The following NPAS3 variants were observed in gnomAD, a reference collection of about 807,000 sequenced individuals.
NPAS3 encodes the protein neuronal PAS domain-containing protein 3.
Under a neutral mutation model 73.1 loss-of-function variants are expected in NPAS3, and 14 were observed. That is an observed-to-expected ratio of 0.19 (90% confidence interval 0.13 to 0.30). The LOEUF is 0.30. NPAS3 is among the 10% of genes least tolerant of loss of function. The pLI, the probability that NPAS3 is intolerant of heterozygous loss-of-function variation, is 1.00. For missense variants in NPAS3, 1,096 were observed against 1,250.0 expected, an observed-to-expected ratio of 0.88 and a Z score of 1.86; for synonymous variants, 620 against 541.5, an observed-to-expected ratio of 1.14 and a Z score of -2.01.
chr14:33,606,265 T>C (rs1470988472), intron 5 of NPAS3, among the ~76,000 whole-genome samples: 1 of 121,736 alleles, frequency 8.2e-6, no homozygotes, highest in East Asian at 2.6e-4. Context: ...GATGTTCCCC[T>C]TCCTGTGTCC....
At chr14:33,703,054 A>G (rs142657504) in intron 6 of NPAS3, among the ~76,000 whole-genome samples, 2 of 152,278 alleles carry the variant, frequency 1.3e-5, no homozygotes, top group Non-Finnish European at 2.9e-5. Flanking sequence ...CTGAGTCAAT[A>G]TATTTCCTTT....
intron 6 of NPAS3, among the ~76,000 whole-genome samples, chr14:33,694,843 G>A (rs764836939): frequency 1.3e-5 from 2 of 152,088 alleles, no homozygotes; most frequent in African/African-American, 2.4e-5. Context: ...ACCTTTCTAC[G>A]TGACCCCTGA....
intron 7 of NPAS3, among the ~76,000 whole-genome samples, chr14:33,746,657 T>C (rs192620425): frequency 1.5e-3 from 225 of 152,252 alleles, no homozygotes; most frequent in African/African-American, 5.2e-3. Flanking sequence ...GTATTATCAC[T>C]CTCATTCTGC....
chr14:33,561,834 TCCATTATATAC>T (rs2055664300), intron 5 of NPAS3, among the ~76,000 whole-genome samples: 1 of 152,214 alleles, frequency 6.6e-6, no homozygotes, highest in African/African-American at 2.4e-5. Context: ...CTGAAAAGCA[TCCATTATATAC>T]TAGCTCAAAA....
At position 33,636,903 on chromosome 14, in the gene NPAS3, G is replaced by GCACACACACACACA. The variant is rs34527893; in HGVS notation, c.559-39297_559-39284dup. Among the ~76,000 whole-genome samples, 837 of 149,270 alleles carry GCACACACACACACA rather than the reference G, an allele frequency of 5.6e-3. 10 individuals are homozygous for GCACACACACACACA. The highest frequency in any genetic ancestry group is 0.017 in the African/African-American group (690 of 40,742). ...AGCAGGAGGAGGACACTCGGAGTGTGCACACACACACACACACACACACAG... is the reference window on the plus strand; with the variant it reads ...AGCAGGAGGAGGACACTCGGAGTGTGCACACACACACACACACACACACACACACACACACACAG... On this transcript the variant is annotated intron_variant, in intron 5 of 11. Coordinates refer to ENST00000356141, the Ensembl canonical transcript of NPAS3.
intron 8 of NPAS3, among the ~76,000 whole-genome samples, chr14:33,774,742 T>A (rs2138474160): frequency 6.6e-6 from 1 of 152,312 alleles, no homozygotes; most frequent in Middle Eastern, 3.4e-3. Context: ...ATTAAATGAA[T>A]CGGGATACCC....
chr14:33,378,949 G>A (rs750615354), intron 4 of NPAS3, among the ~76,000 whole-genome samples: 75 of 152,140 alleles, frequency 4.9e-4, no homozygotes, highest in African/African-American at 1.1e-3. Context: ...TCCAAAATCC[G>A]AAATGCTTCA....
intron 2 of NPAS3, among the ~76,000 whole-genome samples, chr14:33,099,585 T>C (rs1474541115): frequency 1.3e-5 from 2 of 152,204 alleles, no homozygotes; most frequent in East Asian, 3.9e-4. Flanking sequence ...TTACTCGATA[T>C]TAAATAACTA....
chr14:33,582,970 G>GTTT (rs55885070), intron 5 of NPAS3, among the ~76,000 whole-genome samples: 3 of 93,302 alleles, frequency 3.2e-5, no homozygotes, highest in African/African-American at 7.8e-5. Flanking sequence ...TATTTAAAGG[G>GTTT]TTTTTTTTTT....
chr14:33,470,933 TA>T (rs59672930), intron 4 of NPAS3, among the ~76,000 whole-genome samples: 306 of 140,558 alleles, frequency 2.2e-3, no homozygotes, highest in Non-Finnish European at 2.2e-3. Flanking sequence ...AGAGCATATT[TA>T]AAAAAAAAAA....
intron 2 of NPAS3, among the ~76,000 whole-genome samples, chr14:33,136,509 C>T (rs1017721066): frequency 6.6e-6 from 1 of 152,158 alleles, no homozygotes; most frequent in Non-Finnish European, 1.5e-5. Flanking sequence ...GTAATAATGA[C>T]AGTAACTCAG....
At chr14:33,108,118 A>G (rs1476108174) in intron 2 of NPAS3, among the ~76,000 whole-genome samples, 2 of 152,026 alleles carry the variant, frequency 1.3e-5, no homozygotes, top group Admixed American at 6.6e-5. Flanking sequence ...ATTCTGTTCT[A>G]TGTGCAAAAA....
intron 3 of NPAS3, among the ~76,000 whole-genome samples, chr14:33,346,568 T>C (rs899790716): frequency 6.8e-6 from 1 of 147,606 alleles, no homozygotes; most frequent in Non-Finnish European, 1.5e-5. Flanking sequence ...TGATTTCAAA[T>C]TAGGATAATT....
chr14:33,549,911 C>A (rs2055031272), intron 4 of NPAS3, among the ~76,000 whole-genome samples: 1 of 152,098 alleles, frequency 6.6e-6, no homozygotes, highest in South Asian at 2.1e-4. Flanking sequence ...TCATTTCCAG[C>A]CAGAATAGTC....
Position 33,620,019 on chromosome 14 carries a change from T to G in NPAS3, c.559-56192T>G, listed in dbSNP as rs143799260. Among the ~76,000 whole-genome samples the G allele has an allele frequency of 2.0e-4, 30 of 152,316 alleles. No homozygotes were observed. The East Asian group carries it at 5.2e-3, about 26-fold the overall frequency. The stretch of plus-strand genomic sequence containing the variant: ...TTCAGAAAATATTTGATAAATCAGC[T>G]TGTGGTGTTTATTTTAATTGATCTG... On this transcript the variant is annotated intron_variant, in intron 5 of 11. Transcript: ENST00000356141.
intron 2 of NPAS3, among the ~76,000 whole-genome samples, chr14:33,209,585 G>A (rs2046955937): frequency 1.3e-5 from 2 of 152,142 alleles, no homozygotes; most frequent in South Asian, 4.1e-4. Flanking sequence ...AATTTTTGAT[G>A]GCTGCATTTT....
intron 6 of NPAS3, among the ~76,000 whole-genome samples, chr14:33,693,365 C>T (rs1392929850): frequency 2.6e-5 from 4 of 152,260 alleles, no homozygotes; most frequent in Non-Finnish European, 2.9e-5. Flanking sequence ...CCTACCTAGA[C>T]GACTGTTTTC....
intron 4 of NPAS3, among the ~76,000 whole-genome samples, chr14:33,369,163 T>C (rs1345529793): frequency 6.6e-6 from 1 of 152,078 alleles, no homozygotes; most frequent in Non-Finnish European, 1.5e-5. Context: ...GGATCTAGAA[T>C]GGGGCTGCAA....
intron 3 of NPAS3, among the ~76,000 whole-genome samples, chr14:33,243,310 A>G (rs1054676257): frequency 1.3e-5 from 2 of 152,138 alleles, no homozygotes; most frequent in Non-Finnish European, 2.9e-5. Context: ...TATAATCACT[A>G]TATCTGAGAA....
Sources: allele counts gnomAD v4.1 joint callset (sites outside exome capture counted in the v4.1 genomes callset), GRCh38; gene constraint gnomAD v4.1.1; transcripts MANE v1.5; gene names NCBI Gene and HGNC (gene_info 2026-07-23, HGNC 2026-07-21).